BNC2: variants seen among roughly 807,000 people sequenced by gnomAD.
BNC2 encodes the protein basonuclin zinc finger protein 2, also known as zinc finger protein basonuclin-2.
In BNC2, 20 loss-of-function variants were observed where a neutral mutation model predicts 76.3. The ratio of observed to expected loss-of-function variants is 0.26; its 90% CI spans 0.18 to 0.38. BNC2 has a LOEUF of 0.38. Ranked by LOEUF, BNC2 falls within the 10% of genes least tolerant of loss-of-function variation. BNC2 has a pLI of 1.00. For missense variants in BNC2, 1,382 were observed against 1,399.8 expected (o/e 0.99, Z 0.20); for synonymous variants, 582 against 514.8 (o/e 1.13, Z -1.77).
intron 5 of BNC2, among the ~76,000 whole-genome samples, chr9:16,546,315 A>T (rs1440159356): frequency 1.3e-5 from 2 of 152,334 alleles, no homozygotes; most frequent in Non-Finnish European, 2.9e-5. Flanking sequence ...ATGACTAAGA[A>T]TGGCAAAGTC....
intron 6 of BNC2, chr9:16,421,180 C>T: frequency 1.1e-6 from 1 of 932,088 alleles, no homozygotes; most frequent in Non-Finnish European, 1.4e-6. Flanking sequence ...CCTTTCCACA[C>T]AAGACAATAT....
At chr9:16,652,912 C>G (rs1473630708) in intron 3 of BNC2, among the ~76,000 whole-genome samples, 3 of 152,158 alleles carry the variant, frequency 2.0e-5, no homozygotes, top group South Asian at 2.1e-4. Context: ...ACACACCAAG[C>G]CCAACAGGAG....
rs1022082376 is a variant in BNC2, at chr9:16,823,373, T to C, written c.3+47273A>G. Among the ~76,000 whole-genome samples the C allele has an allele frequency of 2.0e-5, 3 of 151,058 alleles. No homozygotes were observed. In the East Asian group the frequency reaches 5.9e-4, roughly 30 times the overall value. On this transcript the variant is annotated intron_variant, in intron 1 of 6. Coordinates refer to ENST00000380672, the MANE Select transcript of BNC2 (RefSeq NM_017637.6). ...TGGGAGGCCAAGGTGGGAGGATCAC[T>C]TGAGCTCAGGAGTTCAAGACCAGCC...
Position 16,713,783 on chromosome 9 carries a change from C to T in BNC2, c.330+14014G>A, listed in dbSNP as rs1015090800. Among the ~76,000 whole-genome samples, 4 of 152,058 alleles carry T rather than the reference C, an allele frequency of 2.6e-5. No homozygotes were observed. In the East Asian group the frequency reaches 7.7e-4, roughly 29 times the overall value. On this transcript the variant is annotated intron_variant, in intron 3 of 6. Transcript: ENST00000380672. Reference sequence around the variant, plus strand: ...AGTGCAGCTAAAATTAAAATACTTACTCAATTTTGGCTGGGCGTGGTGCCC... The same window carrying T: ...AGTGCAGCTAAAATTAAAATACTTATTCAATTTTGGCTGGGCGTGGTGCCC...
intron 5 of BNC2, among the ~76,000 whole-genome samples, chr9:16,452,725 T>A (rs1033633844): frequency 6.6e-6 from 1 of 152,206 alleles, no homozygotes; most frequent in Non-Finnish European, 1.5e-5. Context: ...ATTACAATTA[T>A]AAATGTTCGT....
At chr9:16,609,004 T>C (rs1378532342) in intron 3 of BNC2, among the ~76,000 whole-genome samples, 1 of 152,200 alleles carries the variant, frequency 6.6e-6, no homozygotes, top group Non-Finnish European at 1.5e-5. Context: ...GGAAGGGATC[T>C]TGGGATTTTT....
At chr9:16,499,350 T>C (rs1366339447) in intron 5 of BNC2, among the ~76,000 whole-genome samples, 1 of 152,064 alleles carries the variant, frequency 6.6e-6, no homozygotes, top group Non-Finnish European at 1.5e-5. Flanking sequence ...AGAAATTAGT[T>C]TGTATTAATC....
chr9:16,430,330 TC>T (rs1820884977), intron 6 of BNC2, among the ~76,000 whole-genome samples: 1 of 152,218 alleles, frequency 6.6e-6, no homozygotes, highest in African/African-American at 2.4e-5. Context: ...TAAAATGTTC[TC>T]CTCTTTTACT....
chr9:16,436,499 A>G lies in BNC2; in HGVS notation c.1695T>C (p.Thr565=), dbSNP rs1432382214. ...TATAAAATGGAGGAACTGGTTGTAC[A>G]GTCTTTAGCCCAGAAAATACTAGCT... is the stretch of plus-strand genomic sequence containing the variant. ...PSQLVFSGLK[T]VQPVPPFYRS... Residue 565 remains threonine (T), a synonymous_variant, in exon 6 of 7, where the codon ACT becomes ACC. Transcript: ENST00000380672. The G allele has an allele frequency of 6.2e-7, 1 of 1,614,158 alleles. No individual in the cohort carries two copies.
At chr9:16,516,963 T>C (rs1329407528) in intron 5 of BNC2, among the ~76,000 whole-genome samples, 1 of 152,200 alleles carries the variant, frequency 6.6e-6, no homozygotes, top group Non-Finnish European at 1.5e-5. Flanking sequence ...ACACAACCAA[T>C]GTTTAAGAAA....
intron 3 of BNC2, among the ~76,000 whole-genome samples, chr9:16,602,141 C>G (rs923891392): frequency 2.0e-5 from 3 of 152,156 alleles, no homozygotes; most frequent in Non-Finnish European, 2.9e-5. Context: ...GGTTCTTTGC[C>G]TAATTTATGG....
intron 1 of BNC2, among the ~76,000 whole-genome samples, chr9:16,792,646 T>A (rs532310513): frequency 6.6e-6 from 1 of 152,284 alleles, no homozygotes; most frequent in South Asian, 2.1e-4. Context: ...GAAGCATAAA[T>A]ACCAGCGGGG....
At chr9:16,682,220 C>T in intron 3 of BNC2, among the ~76,000 whole-genome samples, 1 of 150,760 alleles carries the variant, frequency 6.6e-6, no homozygotes, top group Admixed American at 6.6e-5. Context: ...AGTTCATAAA[C>T]ATGACCAGCT....
intron 1 of BNC2, among the ~76,000 whole-genome samples, chr9:16,745,325 ATGT>A (rs1337836910): frequency 6.6e-6 from 1 of 152,226 alleles, no homozygotes; most frequent in Non-Finnish European, 1.5e-5. Context: ...GAGTGTGCAT[ATGT>A]TTAATTAATG....
Position 16,607,035 on chromosome 9 carries a change from C to T in BNC2, c.331-23950G>A, listed in dbSNP as rs192265216. ...TGACCACAGCTCACTGCAGCCTCAA[C>T]CTCCTGGGCTCGGGCGATCTTCCTG... On this transcript the variant is annotated intron_variant, in intron 3 of 6. Transcript: ENST00000380672. 3.9e-3 allele frequency among the ~76,000 whole-genome samples: 596 copies of T among 152,202 alleles called. 5 individuals carry two copies. Among genetic ancestry groups the T allele is most frequent in the African/African-American group, 0.013 (521 of 41,516 alleles).
intron 1 of BNC2, among the ~76,000 whole-genome samples, chr9:16,801,732 A>T (rs1817785123): frequency 4.5e-5 from 1 of 22,058 alleles, no homozygotes; most frequent in South Asian, 9.1e-4. Flanking sequence ...CCCTTAAATT[A>T]AAAAAAAAAA....
In BNC2 at chr9:16,413,592, A is replaced by C. The variant is rs1820521460; in HGVS notation, c.*5397T>G. 6.6e-6 allele frequency: 1 copy of C among 152,198 alleles called. No homozygotes were observed. The highest frequency in any genetic ancestry group is 2.1e-4 in the South Asian group (1 of 4,826). The allele number at this position is 152,198 out of a possible 1,614,324, so 9.4% of individuals were successfully genotyped here. On this transcript the variant is annotated 3_prime_UTR_variant, in exon 7 of 7. Coordinates refer to ENST00000380672, the MANE Select transcript of BNC2 (RefSeq NM_017637.6). ...ACAAGGAAGGACGGGTATGTGGGCAACAGTGATGACAGATAACTCACTGGT... is the reference window on the plus strand; with the variant it reads ...ACAAGGAAGGACGGGTATGTGGGCACCAGTGATGACAGATAACTCACTGGT...
At chr9:16,646,324 G>A (rs1319511380) in intron 3 of BNC2, among the ~76,000 whole-genome samples, 1 of 152,122 alleles carries the variant, frequency 6.6e-6, no homozygotes. Context: ...AAGAGTTGCT[G>A]CAATTTTAAG....
intron 5 of BNC2, among the ~76,000 whole-genome samples, chr9:16,527,137 T>G (rs1817830373): frequency 6.6e-6 from 1 of 152,142 alleles, no homozygotes; most frequent in Admixed American, 6.5e-5. Context: ...GGACAAGGAC[T>G]GGGGGGCAGT....
Sources: allele counts gnomAD v4.1 joint callset (sites outside exome capture counted in the v4.1 genomes callset), GRCh38; gene constraint gnomAD v4.1.1; transcripts MANE v1.5; gene names NCBI Gene and HGNC (gene_info 2026-07-23, HGNC 2026-07-21).